TENM2: variants seen among roughly 807,000 people sequenced by gnomAD.
TENM2 encodes teneurin transmembrane protein 2.
A neutral mutation model predicts 245.2 loss-of-function variants in TENM2; 52 were observed. That is an observed-to-expected ratio of 0.21 (90% confidence interval 0.17 to 0.27). TENM2 has a LOEUF of 0.27. Among genes scored for constraint, TENM2 ranks in the 10% least tolerant of loss-of-function variants. The pLI is 1.00. For synonymous variants in TENM2, 1,363 were observed against 1,438.9 expected, an observed-to-expected ratio of 0.95 and a Z score of 1.19; for missense variants, 3,046 against 3,666.8, an observed-to-expected ratio of 0.83 and a Z score of 4.37.
intron 3 of TENM2, among the ~76,000 whole-genome samples, chr5:167,895,007 A>C (rs149354518): frequency 1.6e-5 from 2 of 126,784 alleles, no homozygotes; most frequent in Admixed American, 1.6e-4. Context: ...GGAAGGAAGG[A>C]AGGGAGGGAG....
At chr5:167,285,783 A>G (rs1253503683) in intron 1 of TENM2, among the ~76,000 whole-genome samples, 1 of 152,216 alleles carries the variant, frequency 6.6e-6, no homozygotes, top group South Asian at 2.1e-4. Flanking sequence ...TGCACTTTAC[A>G]TTGATGGCTC....
At chr5:167,631,050 G>A (rs772407053) in intron 2 of TENM2, among the ~76,000 whole-genome samples, 10 of 152,210 alleles carry the variant, frequency 6.6e-5, no homozygotes, top group African/African-American at 1.9e-4. Flanking sequence ...AGTGTCTACC[G>A]TGTGCGATAT....
intron 2 of TENM2, among the ~76,000 whole-genome samples, chr5:167,586,619 G>C (rs1210054918): frequency 6.6e-6 from 1 of 152,040 alleles, no homozygotes; most frequent in Admixed American, 6.6e-5. Flanking sequence ...ATAATACCCA[G>C]GATAGTTTAT....
intron 2 of TENM2, among the ~76,000 whole-genome samples, chr5:167,409,186 A>G (rs1335703264): frequency 1.1e-4 from 17 of 151,960 alleles, no homozygotes; most frequent in Admixed American, 1.1e-3. Context: ...AGCAGTAAGA[A>G]TAAGAAACTA....
the TENM2 span, among the ~76,000 whole-genome samples, chr5:166,992,545 A>T: frequency 6.1e-3 from 924 of 152,254 alleles, 8 homozygotes; most frequent in African/African-American, 0.021. Context: ...TCATAGTTTC[A>T]AAGTGCTCCA....
At chr5:168,039,402 A>G (rs980622669) in intron 5 of TENM2, among the ~76,000 whole-genome samples, 2 of 150,716 alleles carry the variant, frequency 1.3e-5, no homozygotes, top group African/African-American at 2.4e-5. Flanking sequence ...AGATGTGTGT[A>G]TTGTGGGGAT....
chr5:167,014,123 A>G, the TENM2 span, among the ~76,000 whole-genome samples: 4 of 150,348 alleles, frequency 2.7e-5, no homozygotes, highest in South Asian at 4.2e-4. Context: ...ATTTGCTGCC[A>G]TCTAAGAAAA....
the TENM2 span, among the ~76,000 whole-genome samples, chr5:167,061,478 G>A: frequency 6.6e-6 from 1 of 152,108 alleles, no homozygotes; most frequent in Non-Finnish European, 1.5e-5. Flanking sequence ...AAAAGCAAAA[G>A]CATTTTCGGT....
chr5:167,252,403 A>G, the TENM2 span, among the ~76,000 whole-genome samples: 1 of 152,172 alleles, frequency 6.6e-6, no homozygotes, highest in Non-Finnish European at 1.5e-5. Context: ...CAGTCATTGT[A>G]GTAAGTAGGC....
chr5:167,965,867 A>T (rs1561990812), intron 4 of TENM2, among the ~76,000 whole-genome samples: 1 of 152,188 alleles, frequency 6.6e-6, no homozygotes, highest in Non-Finnish European at 1.5e-5. Context: ...TTTAAATCCC[A>T]TATTCTTAAT....
At chr5:167,679,564 T>A (rs1277108794) in intron 2 of TENM2, among the ~76,000 whole-genome samples, 2 of 152,176 alleles carry the variant, frequency 1.3e-5, no homozygotes, top group Non-Finnish European at 2.9e-5. Flanking sequence ...ATAATTCCAC[T>A]CTTACCAGTT....
At chr5:167,754,144 T>G (rs1414717252) in intron 2 of TENM2, among the ~76,000 whole-genome samples, 2 of 152,238 alleles carry the variant, frequency 1.3e-5, no homozygotes, top group African/African-American at 4.8e-5. Context: ...AACTATACTT[T>G]CCTTCCAGAC....
chr5:167,162,637 A>AG, the TENM2 span, among the ~76,000 whole-genome samples: 1 of 146,592 alleles, frequency 6.8e-6, no homozygotes, highest in Non-Finnish European at 1.5e-5. Context: ...AAAAAAAAAA[A>AG]CAACAAAAAA....
At chr5:167,397,980 C>T (rs1468868680) in intron 2 of TENM2, among the ~76,000 whole-genome samples, 1 of 152,054 alleles carries the variant, frequency 6.6e-6, no homozygotes, top group Non-Finnish European at 1.5e-5. Context: ...AATATGAGAA[C>T]TATATATACT....
the TENM2 span, among the ~76,000 whole-genome samples, chr5:167,192,934 A>G: frequency 1.3e-5 from 2 of 152,016 alleles, no homozygotes; most frequent in African/African-American, 2.4e-5. Context: ...CAAAGGATGT[A>G]AGGAGGGAGG....
the TENM2 span, among the ~76,000 whole-genome samples, chr5:167,272,339 G>A: frequency 6.6e-6 from 1 of 152,084 alleles, no homozygotes. Flanking sequence ...AAGGATAAAG[G>A]CACCGTGCAT....
At chr5:168,028,799 CAAAA>C (rs34319215) in intron 5 of TENM2, among the ~76,000 whole-genome samples, 184 of 122,092 alleles carry the variant, frequency 1.5e-3, no homozygotes, top group African/African-American at 5.1e-3. Context: ...TAGCAACTGT[CAAAA>C]AAAAAAAAAA....
At chr5:168,076,500 C>A (rs3101762) in intron 7 of TENM2, among the ~76,000 whole-genome samples, 31,250 of 151,902 alleles carry the variant, frequency 0.21, 3,463 homozygotes, top group Admixed American at 0.3. Flanking sequence ...CTGGGATTAC[C>A]GGCGTGAGCC....
At chr5:167,109,398 C>CAT in the TENM2 span, among the ~76,000 whole-genome samples, 1 of 151,142 alleles carries the variant, frequency 6.6e-6, no homozygotes, top group Non-Finnish European at 1.5e-5. Flanking sequence ...CTGTATTAGC[C>CAT]ATATATGGAT....
Sources: gnomAD v4.1 joint callset for allele counts (sites outside exome capture counted in the v4.1 genomes callset) on GRCh38, gnomAD v4.1.1 for gene constraint, MANE v1.5 for transcripts, NCBI Gene and HGNC (gene_info 2026-07-23, HGNC 2026-07-21) for gene names.